Variants in IL1RAPL1 observed in about 807,000 individuals in gnomAD.
IL1RAPL1 encodes the protein interleukin-1 receptor accessory protein-like 1.
A neutral mutation model predicts 48.4 loss-of-function variants in IL1RAPL1; 3 were observed. The observed-to-expected ratio is 0.06, with a 90% CI of 0.03 to 0.16. IL1RAPL1 has a LOEUF of 0.16. IL1RAPL1 is among the 10% of genes least tolerant of loss of function. The probability of loss-of-function intolerance (pLI) is 1.00; values close to 1 mark genes in which losing one functional copy is unlikely to be tolerated. For synonymous variants in IL1RAPL1, 185 were observed against 187.7 expected (o/e 0.99, Z 0.12); for missense variants, 349 against 530.6 (o/e 0.66, Z 3.36).
intron 5 of IL1RAPL1, among the ~76,000 whole-genome samples, chrX:29,461,274 C>T (rs1392746522): frequency 9.0e-6 from 1 of 111,415 alleles, no homozygotes; most frequent in African/African-American, 3.3e-5. Context: ...AAAAGACTGA[C>T]AATACTAAAT....
intron 3 of IL1RAPL1, among the ~76,000 whole-genome samples, chrX:29,347,390 CTT>C (rs778833024): frequency 8.3e-5 from 8 of 96,441 alleles, no homozygotes; most frequent in Non-Finnish European, 6.2e-5. Flanking sequence ...CTTTTCTTTT[CTT>C]TTTTTTTTTT....
At chrX:29,886,366 GC>G (rs1468647209) in intron 6 of IL1RAPL1, among the ~76,000 whole-genome samples, 2 of 111,981 alleles carry the variant, frequency 1.8e-5, no homozygotes, top group Non-Finnish European at 3.8e-5. Flanking sequence ...AGAACCTCTT[GC>G]TTTGTGCATA....
intron 5 of IL1RAPL1, among the ~76,000 whole-genome samples, chrX:29,608,958 T>C (rs1435284889): frequency 2.7e-5 from 3 of 112,008 alleles, no homozygotes; most frequent in African/African-American, 9.7e-5. Flanking sequence ...TCAAGAAGGG[T>C]TTATTTAAGA....
chrX:28,860,152 A>G (rs900643917), intron 2 of IL1RAPL1, among the ~76,000 whole-genome samples: 10 of 111,775 alleles, frequency 8.9e-5, no homozygotes, highest in African/African-American at 3.2e-4. Flanking sequence ...TTTTCTAGTC[A>G]ATTGTAATGC....
At chrX:28,856,879 A>C (rs995248862) in intron 2 of IL1RAPL1, among the ~76,000 whole-genome samples, 4 of 112,229 alleles carry the variant, frequency 3.6e-5, no homozygotes, top group Non-Finnish European at 5.6e-5. Context: ...CTCACTTTAA[A>C]TCAAAAGCTA....
intron 6 of IL1RAPL1, among the ~76,000 whole-genome samples, chrX:29,836,231 G>A (rs778670727): frequency 1.1e-4 from 11 of 99,290 alleles, no homozygotes; most frequent in South Asian, 4.7e-4. Context: ...TCACTTTGTC[G>A]CCAGGCTGGA....
At chrX:29,077,693 G>A (rs752107366) in intron 2 of IL1RAPL1, among the ~76,000 whole-genome samples, 1 of 111,314 alleles carries the variant, frequency 9.0e-6, no homozygotes, top group East Asian at 2.8e-4. Context: ...CCAGACTATA[G>A]TGAGAGCATA....
intron 6 of IL1RAPL1, among the ~76,000 whole-genome samples, chrX:29,788,163 T>C (rs1445297433): frequency 9.0e-6 from 1 of 111,566 alleles, no homozygotes; most frequent in Non-Finnish European, 1.9e-5. Flanking sequence ...CAATAGAATC[T>C]GCATTTATTC....
intron 1 of IL1RAPL1, among the ~76,000 whole-genome samples, chrX:28,724,975 G>A (rs111589438): frequency 0.035 from 3,331 of 96,346 alleles, 189 homozygotes; most frequent in African/African-American, 0.12. Flanking sequence ...TTTCTGAGAC[G>A]GAGTCTCACT....
intron 5 of IL1RAPL1, among the ~76,000 whole-genome samples, chrX:29,633,020 G>T (rs1373360842): frequency 9.0e-6 from 1 of 111,060 alleles, no homozygotes; most frequent in African/African-American, 3.3e-5. Context: ...TCTTTCCTAG[G>T]TATATTTCCA....
rs745898830 is a variant in IL1RAPL1 at position 28,599,178 on chromosome X, G to A, written c.-25+11131G>A. On this transcript the variant is annotated intron_variant, in intron 1 of 10. Coordinates refer to ENST00000378993, the MANE Select transcript of IL1RAPL1 (RefSeq NM_014271.4). ...GAGAATCGCTTGAACCTGGGAGGTG[G>A]AGGTTGCAGTGAGCCGAGATTGCAC... 4.4e-4 allele frequency among the ~76,000 whole-genome samples: 47 copies of A among 106,673 alleles called. 1 individual carries two copies. The highest frequency in any genetic ancestry group is 8.9e-4 in the Non-Finnish European group (46 of 51,659). The allele number at this position is 106,673 out of a possible 115,157, so 92.6% of individuals were successfully genotyped here.
chrX:29,054,422 T>C (rs968627330), intron 2 of IL1RAPL1, among the ~76,000 whole-genome samples: 7 of 111,304 alleles, frequency 6.3e-5, no homozygotes, highest in African/African-American at 2.3e-4. Context: ...GTCTCCTTAT[T>C]ACGCTTTGTC....
chrX:28,651,914 A>G (rs1218252556), intron 1 of IL1RAPL1, among the ~76,000 whole-genome samples: 1 of 111,317 alleles, frequency 9.0e-6, no homozygotes, highest in Non-Finnish European at 1.9e-5. Context: ...ATTATACTTA[A>G]AGTACCCTGG....
chrX:29,420,340 A>C (rs1408358455), intron 5 of IL1RAPL1, among the ~76,000 whole-genome samples: 1 of 112,806 alleles, frequency 8.9e-6, no homozygotes, highest in Non-Finnish European at 1.9e-5. Context: ...TCTAGAACTG[A>C]AACTGCTAAG....
intron 2 of IL1RAPL1, among the ~76,000 whole-genome samples, chrX:28,808,122 G>A (rs1936752178): frequency 9.0e-6 from 1 of 111,376 alleles, no homozygotes; most frequent in African/African-American, 3.3e-5. Context: ...GTAGATTGAG[G>A]CAGGTATTAT....
At chrX:29,634,409 G>A (rs1042442418) in intron 5 of IL1RAPL1, among the ~76,000 whole-genome samples, 2 of 111,716 alleles carry the variant, frequency 1.8e-5, no homozygotes, top group African/African-American at 6.5e-5. Flanking sequence ...CTCTGGACTA[G>A]TGGACATGAA....
At chrX:29,023,930 A>C (rs1185416919) in intron 2 of IL1RAPL1, among the ~76,000 whole-genome samples, 1 of 111,955 alleles carries the variant, frequency 8.9e-6, no homozygotes, top group Non-Finnish European at 1.9e-5. Context: ...TCAATGAATT[A>C]GCAAATCAGA....
chrX:28,778,388 G>A (rs1355996147), intron 1 of IL1RAPL1, among the ~76,000 whole-genome samples: 1 of 111,352 alleles, frequency 9.0e-6, no homozygotes, highest in East Asian at 2.8e-4. Flanking sequence ...AATTCACTCA[G>A]CTAGGATCAT....
intron 2 of IL1RAPL1, among the ~76,000 whole-genome samples, chrX:28,832,352 C>G (rs1315407700): frequency 1.8e-5 from 2 of 111,377 alleles, no homozygotes; most frequent in African/African-American, 6.5e-5. Context: ...AAGTTTAGGA[C>G]TTAAGTATTT....
Sources: allele counts gnomAD v4.1 joint callset (sites outside exome capture counted in the v4.1 genomes callset), GRCh38; gene constraint gnomAD v4.1.1; transcripts MANE v1.5; gene names NCBI Gene and HGNC (gene_info 2026-07-23, HGNC 2026-07-21).